The following ZNF428 variants were observed in gnomAD, a reference collection of about 807,000 sequenced individuals.
The protein encoded by ZNF428 is zinc finger protein 428, also known as enzyme-like protein PIT13.
A neutral mutation model predicts 15.6 loss-of-function variants in ZNF428; 5 were observed. That is an observed-to-expected ratio of 0.32 (90% CI 0.17 to 0.67). The LOEUF (loss-of-function observed/expected upper bound fraction) is 0.67, where lower values mean the gene tolerates loss of function less well. ZNF428 is among the 30% of genes least tolerant of loss of function. The probability of loss-of-function intolerance (pLI) is 0.73; values close to 1 mark genes in which losing one functional copy is unlikely to be tolerated. For synonymous variants in ZNF428, 97 were observed against 102.2 expected (o/e 0.95, Z 0.31); for missense variants, 237 against 256.0 (o/e 0.93, Z 0.51).
At chr19:43,614,845 G>A (rs1391220172) in intron 1 of ZNF428, among the ~76,000 whole-genome samples, 2 of 152,132 alleles carry the variant, frequency 1.3e-5, no homozygotes, top group Non-Finnish European at 1.5e-5. Flanking sequence ...TGATCCACAT[G>A]CCTCAACCTC....
chr19:43,612,581 A>G lies in ZNF428; in HGVS notation c.76+1648T>C. ...AAGAACTCATGGTGCCAGACCAGGC[A>G]TGGCCAGCAGGGTGAGAACTCCCAC... On this transcript the variant is annotated intron_variant, in intron 2 of 2. Transcript: ENST00000300811. The surrounding 1 kb of genome is among the most constrained non-coding windows in gnomAD (Gnocchi z 4.2). The G allele has an allele frequency of 6.4e-7, 1 of 1,551,642 alleles. No homozygotes were observed. Among genetic ancestry groups the G allele is most frequent in the Non-Finnish European group, 8.7e-7 (1 of 1,146,974 alleles).
At chr19:43,613,632 G>T in intron 2 of ZNF428, 1 of 1,548,542 alleles carries the variant, frequency 6.5e-7, no homozygotes, top group Non-Finnish European at 8.7e-7. Context: ...AGAAGCCCCA[G>T]CAAGGAGAGA....
In ZNF428 at chr19:43,607,765, C is replaced by G; in HGVS notation, c.419G>C (p.Arg140Pro). The G allele has an allele frequency of 6.2e-7, 1 of 1,606,834 alleles. No homozygotes were observed. Among genetic ancestry groups the G allele is most frequent in the Non-Finnish European group, 8.5e-7 (1 of 1,176,624 alleles). The part of the protein sequence containing the change: ...ALGEEEEEPP[R>P]AGEGRPAGRE... ...CCCAGCTGGTCGGCCCTCCCCAGCC[C>G]GAGGTGGTTCCTCCTCTTCCTCCCC... Residue 140 changes from arginine to proline, a missense_variant, in exon 3 of 3, where the codon CGG (arginine) becomes CCG (proline). Transcript: ENST00000300811. This position sits in a 1 kb window ranked among gnomAD's most constrained non-coding sequence, Gnocchi z 5.1.
chr19:43,614,036 A>T (rs3815422), intron 2 of ZNF428, 193 bp downstream of exon 2: 1 of 1,551,844 alleles, frequency 6.4e-7, no homozygotes, highest in Non-Finnish European at 8.7e-7. Flanking sequence ...TAGCAAGGAG[A>T]GCGACCCCAG....
chr19:43,609,446 G>A (rs1973273343), intron 2 of ZNF428, among the ~76,000 whole-genome samples: 2 of 151,300 alleles, frequency 1.3e-5, no homozygotes, highest in South Asian at 4.2e-4. Flanking sequence ...ATCAAGGACA[G>A]GCCTAGGACA....
In ZNF428 at chr19:43,615,592, G is replaced by A. The variant is rs142072176; in HGVS notation, c.-130-1158C>T. On this transcript the variant is annotated intron_variant, in intron 1 of 2. Coordinates refer to ENST00000300811, the MANE Select transcript of ZNF428 (RefSeq NM_182498.4). ...GTGGTGGCATGTGCTTATAGTCCCA[G>A]CTACCTGAGAGGCTGAGGCAGGAGG... 4.9e-3 allele frequency among the ~76,000 whole-genome samples: 740 copies of A among 151,828 alleles called. 8 individuals are homozygous for A. Among genetic ancestry groups the A allele is most frequent in the South Asian group, 0.03 (142 of 4,800 alleles).
chr19:43,608,346 G>A (rs1973262060), intron 2 of ZNF428, among the ~76,000 whole-genome samples: 1 of 152,238 alleles, frequency 6.6e-6, no homozygotes, highest in Non-Finnish European at 1.5e-5. Context: ...CATGGGACAG[G>A]ACTGGGCACA....
Position 43,612,024 on chromosome 19 carries a change from C to T in ZNF428, c.76+2205G>A. ...CTTCAATGCCCACTATTACTTCACA[C>T]AGTTGGCCTGTGACAGGCAATCAGG... On this transcript the variant is annotated intron_variant, in intron 2 of 2. Coordinates refer to ENST00000300811, the MANE Select transcript of ZNF428 (RefSeq NM_182498.4). This position sits in a 1 kb window ranked among gnomAD's most constrained non-coding sequence, Gnocchi z 4.2. 1 of 898,042 alleles carries T rather than the reference C, an allele frequency of 1.1e-6. No individual in the cohort carries two copies. The highest frequency in any genetic ancestry group is 1.8e-6 in the Non-Finnish European group (1 of 571,248). The allele number at this position is 898,042 out of a possible 1,614,324, so 55.6% of individuals were successfully genotyped here. A position where few individuals can be genotyped will look rare whatever the true frequency, so the allele number is the denominator to read the frequency against.
chr19:43,607,498 C>G lies in ZNF428; in HGVS notation c.*119G>C. 7.6e-7 allele frequency: 1 copy of G among 1,312,772 alleles called. No individual in the cohort carries two copies. Among genetic ancestry groups the G allele is most frequent in the Non-Finnish European group, 1.0e-6 (1 of 979,700 alleles). The allele number at this position is 1,312,772 out of a possible 1,614,324, so 81.3% of individuals were successfully genotyped here. ...TATTCTGGCCATCACACATCTACTT[C>G]TAAGACAACACAGACCGGCAGTACC... On this transcript the variant is annotated 3_prime_UTR_variant, in exon 3 of 3. Coordinates refer to ENST00000300811, the MANE Select transcript of ZNF428 (RefSeq NM_182498.4). This position sits in a 1 kb window ranked among gnomAD's most constrained non-coding sequence, Gnocchi z 5.1.
chr19:43,613,599 A>T (rs764751051), intron 2 of ZNF428: 1 of 1,550,316 alleles, frequency 6.5e-7, no homozygotes, highest in South Asian at 1.2e-5. Context: ...AGCCCCAGCA[A>T]AGAGAGAGAT....
At position 43,614,362 on chromosome 19, in the gene ZNF428, C is replaced by T. The variant is rs575730518; in HGVS notation, c.-58G>A. The T allele has an allele frequency of 1.2e-5, 18 of 1,537,586 alleles. No individual in the cohort carries two copies. The highest frequency in any genetic ancestry group is 4.5e-5 in the East Asian group (2 of 44,286). On this transcript the variant is annotated 5_prime_UTR_variant, in exon 2 of 3. Coordinates refer to ENST00000300811, the MANE Select transcript of ZNF428 (RefSeq NM_182498.4). Reference sequence around the variant, plus strand: ...GCAGCAGCTGAGCAGCGTCCCTCCCCGGCCAGCTCTCCACAGCCACACCTC... The same window carrying T: ...GCAGCAGCTGAGCAGCGTCCCTCCCTGGCCAGCTCTCCACAGCCACACCTC...
At position 43,607,312 on chromosome 19, in the gene ZNF428, C is replaced by T. The variant is rs1973247405; in HGVS notation, c.*305G>A. ...GGAAACCTCATCGAATACAAGCACG[C>T]AGTAAATGTTATCTTTCCCAAAAGA... is the stretch of plus-strand genomic sequence containing the variant. On this transcript the variant is annotated 3_prime_UTR_variant, in exon 3 of 3. Coordinates refer to ENST00000300811, the MANE Select transcript of ZNF428 (RefSeq NM_182498.4). This position sits in a 1 kb window ranked among gnomAD's most constrained non-coding sequence, Gnocchi z 5.1. 4 of 360,110 alleles carry T rather than the reference C, an allele frequency of 1.1e-5. No individual in the cohort carries two copies. The highest frequency in any genetic ancestry group is 4.5e-5 in the Admixed American group (1 of 22,368). The allele number at this position is 360,110 out of a possible 1,614,324, so 22.3% of individuals were successfully genotyped here. A position where few individuals can be genotyped will look rare whatever the true frequency, so the allele number is the denominator to read the frequency against.
At chr19:43,613,888 GGA>G (rs1356527053) in intron 2 of ZNF428, 3 of 1,551,382 alleles carry the variant, frequency 1.9e-6, no homozygotes, top group Non-Finnish European at 2.6e-6. Flanking sequence ...GCTCCAGCGA[GGA>G]GAGAGATCAC....
At chr19:43,618,680 T>TC (rs1973399622) in intron 1 of ZNF428, among the ~76,000 whole-genome samples, 1 of 150,912 alleles carries the variant, frequency 6.6e-6, no homozygotes, top group Non-Finnish European at 1.5e-5. Context: ...AAAGTATTGG[T>TC]ATCACTGCAA....
In ZNF428 at chr19:43,612,336, G is replaced by A; in HGVS notation, c.76+1893C>T. ...TCCACCAAATCGACCAGTACAAAAA[G>A]AGCCCCTTCTAACCGGCCCAGCAGC... On this transcript the variant is annotated intron_variant, in intron 2 of 2. Transcript: ENST00000300811. The surrounding 1 kb of genome is among the most constrained non-coding windows in gnomAD (Gnocchi z 4.2). The A allele has an allele frequency of 5.8e-6, 9 of 1,551,650 alleles. No individual in the cohort carries two copies. Among genetic ancestry groups the A allele is most frequent in the Non-Finnish European group, 7.8e-6 (9 of 1,146,992 alleles).
chr19:43,611,005 C>T (rs2146115550), intron 2 of ZNF428, among the ~76,000 whole-genome samples: 1 of 152,236 alleles, frequency 6.6e-6, no homozygotes, highest in African/African-American at 2.4e-5. Flanking sequence ...CACCTGGTGA[C>T]CCCCTACTCA....
intron 2 of ZNF428, chr19:43,613,275 A>C (rs897117132): frequency 6.4e-7 from 1 of 1,551,518 alleles, no homozygotes; most frequent in Admixed American, 2.0e-5. Flanking sequence ...AGCCCCAGGA[A>C]GGAGAGTGGT....
Position 43,607,578 on chromosome 19 carries a change from C to T in ZNF428, c.*39G>A. On this transcript the variant is annotated 3_prime_UTR_variant, in exon 3 of 3. Coordinates refer to ENST00000300811, the MANE Select transcript of ZNF428 (RefSeq NM_182498.4). The surrounding 1 kb of genome is among the most constrained non-coding windows in gnomAD (Gnocchi z 5.1). ...AATTTCCTCAGCCCCCTCCTCCCAC[C>T]CCACCCCTTCTGCCAAGCTCCCCGT... is the stretch of plus-strand genomic sequence containing the variant. 1.3e-6 allele frequency: 2 copies of T among 1,540,780 alleles called. No individual in the cohort carries two copies. Among genetic ancestry groups the T allele is most frequent in the Non-Finnish European group, 1.8e-6 (2 of 1,141,404 alleles).
At chr19:43,611,973 A>G (rs1973302015) in intron 2 of ZNF428, 2 of 649,824 alleles carry the variant, frequency 3.1e-6, no homozygotes, top group African/African-American at 3.7e-5. Flanking sequence ...CCCACCTCTG[A>G]CTTCATACCA....
Sources: gnomAD v4.1 joint callset for allele counts (sites outside exome capture counted in the v4.1 genomes callset) on GRCh38, gnomAD v4.1.1 for gene constraint, Gnocchi (gnomAD v3.1) non-coding constraint, MANE v1.5 for transcripts, NCBI Gene and HGNC (gene_info 2026-07-23, HGNC 2026-07-21) for gene names.